Variants in HHAT observed in about 807,000 individuals in gnomAD.
The protein encoded by HHAT is protein-cysteine N-palmitoyltransferase HHAT.
Under a neutral mutation model 70.8 loss-of-function variants are expected in HHAT, and 47 were observed. The observed-to-expected ratio is 0.66, with a 90% CI of 0.53 to 0.85. The LOEUF is 0.85. Among genes scored for constraint, HHAT ranks in the 40% least tolerant of loss-of-function variants. The pLI is 0.00. For synonymous variants in HHAT, 228 were observed against 247.6 expected (o/e 0.92, Z 0.74); for missense variants, 609 against 604.8 (o/e 1.01, Z -0.07).
At chr1:210,620,594 G>A (rs1668631661) in intron 10 of HHAT, among the ~76,000 whole-genome samples, 1 of 152,082 alleles carries the variant, frequency 6.6e-6, no homozygotes, top group South Asian at 2.1e-4. Flanking sequence ...TGAGGCTGTT[G>A]GTTAAAATTA....
chr1:210,473,116 C>T (rs139968761), intron 8 of HHAT, among the ~76,000 whole-genome samples: 24 of 152,248 alleles, frequency 1.6e-4, no homozygotes, highest in African/African-American at 5.3e-4. Context: ...GTAAATTTCC[C>T]CTGCAAGAGA....
intron 11 of HHAT, among the ~76,000 whole-genome samples, chr1:210,670,459 C>T (rs1286143078): frequency 6.6e-6 from 1 of 152,206 alleles, no homozygotes; most frequent in East Asian, 1.9e-4. Context: ...GTGTCTGAGC[C>T]ACAGTGATGG....
At chr1:210,466,162 G>T (rs969532140) in intron 8 of HHAT, among the ~76,000 whole-genome samples, 4 of 148,280 alleles carry the variant, frequency 2.7e-5, no homozygotes, top group Non-Finnish European at 5.9e-5. Flanking sequence ...GAATTGCAAG[G>T]AATTGCAATT....
At chr1:210,469,934 C>T (rs1394132693) in intron 8 of HHAT, among the ~76,000 whole-genome samples, 1 of 152,142 alleles carries the variant, frequency 6.6e-6, no homozygotes, top group Non-Finnish European at 1.5e-5. Context: ...ATCAACCCGA[C>T]TTCTAGGTTT....
At chr1:210,442,456 C>T (rs1184013785) in intron 7 of HHAT, among the ~76,000 whole-genome samples, 2 of 147,328 alleles carry the variant, frequency 1.4e-5, no homozygotes, top group African/African-American at 5.0e-5. Context: ...AACTAGTTTA[C>T]AGTCCCACCA....
chr1:210,606,492 C>T (rs868019026), intron 10 of HHAT, among the ~76,000 whole-genome samples: 8 of 114,610 alleles, frequency 7.0e-5, no homozygotes, highest in Non-Finnish European at 1.5e-4. Context: ...GGTATCTGCT[C>T]ATCTGTCTAT....
intron 8 of HHAT, among the ~76,000 whole-genome samples, chr1:210,466,302 C>G (rs1271454465): frequency 6.6e-6 from 1 of 152,224 alleles, no homozygotes; most frequent in East Asian, 1.9e-4. Flanking sequence ...CTGATTTGTC[C>G]TTACTTCATC....
intron 1 of HHAT, among the ~76,000 whole-genome samples, chr1:210,340,212 G>C (rs1217214269): frequency 7.0e-6 from 1 of 141,952 alleles, no homozygotes; most frequent in African/African-American, 2.8e-5. Context: ...GCACACTCCG[G>C]CCTGGGGGAT....
intron 9 of HHAT, among the ~76,000 whole-genome samples, chr1:210,517,679 CAGG>C (rs1200109592): frequency 6.6e-6 from 1 of 152,080 alleles, no homozygotes; most frequent in Admixed American, 6.5e-5. Flanking sequence ...ATTGCTAAGA[CAGG>C]AGATTTTAGG....
intron 9 of HHAT, among the ~76,000 whole-genome samples, chr1:210,581,384 G>A (rs566518566): frequency 6.6e-6 from 1 of 152,174 alleles, no homozygotes; most frequent in African/African-American, 2.4e-5. Flanking sequence ...TAGAGCCAGG[G>A]TTGGGTCAGG....
chr1:210,441,720 C>G (rs12121798), intron 7 of HHAT, among the ~76,000 whole-genome samples: 1 of 151,788 alleles, frequency 6.6e-6, no homozygotes, highest in Admixed American at 6.6e-5. Context: ...ACATCTTCTC[C>G]AATTTGTAAT....
chr1:210,401,201 G>A (rs1489716017), intron 5 of HHAT, among the ~76,000 whole-genome samples: 4 of 152,124 alleles, frequency 2.6e-5, no homozygotes, highest in African/African-American at 9.7e-5. Context: ...TGCAACCTCC[G>A]CCTCCTGGGT....
chr1:210,647,786 G>A (rs1229896085), intron 11 of HHAT, among the ~76,000 whole-genome samples: 1 of 152,184 alleles, frequency 6.6e-6, no homozygotes, highest in Non-Finnish European at 1.5e-5. Context: ...TTATGCCTGG[G>A]CACTGGGCCA....
At chr1:210,567,341 G>C (rs756808758) in intron 9 of HHAT, among the ~76,000 whole-genome samples, 21 of 152,184 alleles carry the variant, frequency 1.4e-4, no homozygotes, top group Non-Finnish European at 2.9e-4. Context: ...AAACTGACCA[G>C]TTCCTCAGGT....
chr1:210,328,875 T>G, upstream of HHAT: 1 of 517,064 alleles, frequency 1.9e-6, no homozygotes, highest in Non-Finnish European at 3.0e-6. Context: ...CGCCGCGGGT[T>G]CCCGAGTCCG....
chr1:210,427,286 T>A (rs2093093465), intron 7 of HHAT, among the ~76,000 whole-genome samples: 1 of 152,142 alleles, frequency 6.6e-6, no homozygotes, highest in African/African-American at 2.4e-5. Flanking sequence ...CACTGACATT[T>A]CAAGTCTCTA....
intron 9 of HHAT, among the ~76,000 whole-genome samples, chr1:210,567,045 ATC>A (rs1006703664): frequency 6.6e-6 from 1 of 152,170 alleles, no homozygotes; most frequent in Non-Finnish European, 1.5e-5. Context: ...GCTCCTGCAC[ATC>A]TCTGTCTCTG....
intron 7 of HHAT, among the ~76,000 whole-genome samples, chr1:210,429,516 T>C (rs1342831203): frequency 2.0e-5 from 3 of 151,900 alleles, no homozygotes; most frequent in Non-Finnish European, 4.4e-5. Flanking sequence ...TATTCTTAAA[T>C]TTGTTCTTCT....
intron 8 of HHAT, among the ~76,000 whole-genome samples, chr1:210,492,249 C>T (rs1307575719): frequency 1.3e-5 from 2 of 152,170 alleles, no homozygotes; most frequent in Admixed American, 6.5e-5. Context: ...TTTAGAGGCT[C>T]CTGTAGCTCC....
Sources: gnomAD v4.1 joint callset for allele counts (sites outside exome capture counted in the v4.1 genomes callset) on GRCh38, gnomAD v4.1.1 for gene constraint, MANE v1.5 for transcripts, NCBI Gene and HGNC (gene_info 2026-07-23, HGNC 2026-07-21) for gene names.